LVRN: variants seen among roughly 807,000 people sequenced by gnomAD.
LVRN encodes laeverin.
A neutral mutation model predicts 111.4 loss-of-function variants in LVRN; 99 were observed. The ratio of observed to expected loss-of-function variants is 0.89; its 90% CI spans 0.76 to 1.05. LVRN has a LOEUF of 1.05. LVRN is among the 50% of genes least tolerant of loss of function. LVRN has a pLI of 0.00. For missense variants in LVRN, 1,414 were observed against 1,206.8 expected (o/e 1.17, Z -2.54); for synonymous variants, 488 against 449.5 (o/e 1.09, Z -1.08).
At chr5:116,004,544 T>C (rs921792221) in intron 12 of LVRN, among the ~76,000 whole-genome samples, 4 of 152,218 alleles carry the variant, frequency 2.6e-5, no homozygotes, top group African/African-American at 9.6e-5. Flanking sequence ...GGAAGACTTG[T>C]GTTCCTGTTT....
intron 18 of LVRN, among the ~76,000 whole-genome samples, chr5:116,019,426 A>G (rs1308441795): frequency 6.6e-6 from 1 of 152,074 alleles, no homozygotes; most frequent in East Asian, 1.9e-4. Context: ...TTATCACCCA[A>G]AGTCCCCAGT....
intron 9 of LVRN, 49 bp downstream of exon 9, chr5:116,000,707 T>C (rs1748219877): frequency 6.3e-7 from 1 of 1,589,268 alleles, no homozygotes; most frequent in Non-Finnish European, 8.6e-7. Flanking sequence ...TTTTGTATGA[T>C]ACAGGAAAAG....
At chr5:115,969,336 G>C (rs1244115999) in intron 1 of LVRN, among the ~76,000 whole-genome samples, 2 of 151,956 alleles carry the variant, frequency 1.3e-5, no homozygotes, top group Non-Finnish European at 2.9e-5. Context: ...TAGGCTGCCT[G>C]ACATTACAGG....
At chr5:116,024,611 T>C (rs1748825473) in intron 19 of LVRN, among the ~76,000 whole-genome samples, 1 of 152,168 alleles carries the variant, frequency 6.6e-6, no homozygotes, top group Non-Finnish European at 1.5e-5. Flanking sequence ...TGTGTTTCTG[T>C]CTTCTAAAAT....
intron 13 of LVRN, among the ~76,000 whole-genome samples, chr5:116,009,883 T>C (rs1237264710): frequency 1.3e-5 from 2 of 152,196 alleles, no homozygotes; most frequent in African/African-American, 4.8e-5. Context: ...ATATTACGTA[T>C]ACTTAGTTGT....
chr5:115,965,168 A>G (rs1753176203), intron 1 of LVRN, among the ~76,000 whole-genome samples: 1 of 152,254 alleles, frequency 6.6e-6, no homozygotes, highest in African/African-American at 2.4e-5. Flanking sequence ...GATAGTGGTA[A>G]CTGCTATCCT....
Position 116,015,865 on chromosome 5 carries a change from G to T in LVRN, c.2756+100G>T. 4.3e-6 allele frequency: 6 copies of T among 1,405,128 alleles called. No individual in the cohort carries two copies. The South Asian group carries it at 9.1e-5, about 21-fold the overall frequency. The allele number at this position is 1,405,128 out of a possible 1,614,324, so 87.0% of individuals were successfully genotyped here. On this transcript the variant is annotated intron_variant, in intron 18 of 19. Transcript: ENST00000357872. ...TGGAAGCTCAGCTTTAGTCTAGCTAGGCCACAAACGTCCTTTGCATTGACT... is the reference window on the plus strand; with the variant it reads ...TGGAAGCTCAGCTTTAGTCTAGCTATGCCACAAACGTCCTTTGCATTGACT...
chr5:115,995,106 G>A (rs1409314110), intron 6 of LVRN, among the ~76,000 whole-genome samples: 1 of 152,120 alleles, frequency 6.6e-6, no homozygotes, highest in African/African-American at 2.4e-5. Flanking sequence ...TCTACTTGCT[G>A]GATCTTCTTT....
At chr5:115,968,960 C>A (rs1043005912) in intron 1 of LVRN, among the ~76,000 whole-genome samples, 2 of 152,158 alleles carry the variant, frequency 1.3e-5, no homozygotes, top group African/African-American at 4.8e-5. Context: ...GAGGACTGGC[C>A]ATTCAAGCAA....
At chr5:116,001,302 T>C (rs1580391577) in intron 10 of LVRN, 63 bp downstream of exon 10, 47 of 1,561,526 alleles carry the variant, frequency 3.0e-5, no homozygotes, top group African/African-American at 1.4e-5. Context: ...CCCAATGGAA[T>C]CCAGCCTGTG....
intron 1 of LVRN, among the ~76,000 whole-genome samples, chr5:115,982,699 A>G (rs917204916): frequency 6.6e-6 from 1 of 152,084 alleles, no homozygotes; most frequent in African/African-American, 2.4e-5. Context: ...GTATTTTGCC[A>G]TGGAGATGGA....
intron 9 of LVRN, 122 bp from the exon 10 acceptor site, chr5:116,000,945 C>T: frequency 9.1e-7 from 1 of 1,104,970 alleles, no homozygotes; most frequent in South Asian, 1.6e-5. Flanking sequence ...AGAGGATCAC[C>T]CACTGCAGGA....
At chr5:115,995,678 G>A (rs755408523) in intron 6 of LVRN, 1 of 152,184 alleles carries the variant, frequency 6.6e-6, no homozygotes, top group African/African-American at 2.4e-5. Flanking sequence ...TGAGTACTTA[G>A]AACTTAAGTG....
At chr5:116,006,087 A>G (rs1748368716) in intron 13 of LVRN, 120 bp downstream of exon 13, 3 of 737,536 alleles carry the variant, frequency 4.1e-6, no homozygotes, top group African/African-American at 1.8e-5. Context: ...GATTAAGATT[A>G]GGATGAAATT....
intron 5 of LVRN, 57 bp downstream of exon 5, chr5:115,992,334 C>T (rs1748015317): frequency 9.5e-6 from 15 of 1,586,942 alleles, no homozygotes; most frequent in African/African-American, 1.4e-5. Context: ...GGTGCGCTAC[C>T]AAAATAGCAT....
intron 1 of LVRN, among the ~76,000 whole-genome samples, chr5:115,976,515 G>A (rs115684640): frequency 0.011 from 1,722 of 151,406 alleles, 33 homozygotes; most frequent in African/African-American, 0.04. Context: ...CTATACTATG[G>A]TTGACACAAA....
chr5:116,024,899 A>T (rs1748830797), intron 19 of LVRN, among the ~76,000 whole-genome samples: 1 of 152,242 alleles, frequency 6.6e-6, no homozygotes, highest in South Asian at 2.1e-4. Flanking sequence ...ATAAATAATA[A>T]AAAAGAAAGT....
Position 116,001,192 on chromosome 5 carries a change from G to C in LVRN, c.1773G>C (p.Glu591Asp). The change falls in exon 10 of 20, where the codon GAG becomes GAC. Residue 591 changes from glutamate (E) to aspartate (D), a missense_variant. Glu to Asp is a conservative substitution (Grantham distance 45, BLOSUM62 2). Coordinates refer to ENST00000357872, the MANE Select transcript of LVRN (RefSeq NM_173800.5). Reference protein sequence around the residue: ...LNVSTGVMKQEPFYLENIKNR... With the variant: ...LNVSTGVMKQDPFYLENIKNR... ...TGTCTACTGGCGTCATGAAACAGGA[G>C]CCATTTTATCTTGAAAACATTAAAA... 2.5e-6 allele frequency: 4 copies of C among 1,613,940 alleles called. No homozygotes were observed. The highest frequency in any genetic ancestry group is 3.4e-6 in the Non-Finnish European group (4 of 1,179,970).
At chr5:116,009,838 A>G (rs1748449190) in intron 13 of LVRN, among the ~76,000 whole-genome samples, 1 of 152,226 alleles carries the variant, frequency 6.6e-6, no homozygotes, top group Non-Finnish European at 1.5e-5. Context: ...TGAAGAAGCT[A>G]TGACCATTGC....
Sources: gnomAD v4.1 joint callset for allele counts (sites outside exome capture counted in the v4.1 genomes callset) on GRCh38, gnomAD v4.1.1 for gene constraint, MANE v1.5 for transcripts, NCBI Gene and HGNC (gene_info 2026-07-23, HGNC 2026-07-21) for gene names.